UBE2F: variants seen among roughly 807,000 people sequenced by gnomAD.
UBE2F encodes the protein NEDD8-conjugating enzyme UBE2F.
Under a neutral mutation model 29.6 loss-of-function variants are expected in UBE2F, and 5 were observed. The ratio of observed to expected loss-of-function variants is 0.17; its 90% confidence interval spans 0.09 to 0.36. The LOEUF (loss-of-function observed/expected upper bound fraction) is 0.36, where lower values mean the gene tolerates loss of function less well. UBE2F is among the 10% of genes least tolerant of loss of function. UBE2F has a pLI of 1.00. For synonymous variants in UBE2F, 66 were observed against 81.8 expected, an observed-to-expected ratio of 0.81 and a Z score of 1.04; for missense variants, 141 against 228.5, an observed-to-expected ratio of 0.62 and a Z score of 2.47.
At chr2:238,004,248 T>C (rs113627235) in intron 4 of UBE2F, among the ~76,000 whole-genome samples, 3,634 of 152,332 alleles carry the variant, frequency 0.024, 73 homozygotes, top group Middle Eastern at 0.061. Flanking sequence ...GAATTCTAGT[T>C]GCTCTGTATT....
chr2:238,025,289 T>C, intron 5 of UBE2F, 53 bp from the exon 6 acceptor site: 4 of 1,486,254 alleles, frequency 2.7e-6, no homozygotes, highest in Non-Finnish European at 3.8e-6. Flanking sequence ...GGCCTGGAGA[T>C]GTGATTTGCA....
chr2:238,002,340 A>G (rs1010829832), intron 4 of UBE2F, among the ~76,000 whole-genome samples: 2 of 152,218 alleles, frequency 1.3e-5, no homozygotes, highest in African/African-American at 4.8e-5. Flanking sequence ...ACATATGTAT[A>G]CATGTGCCAT....
rs1430053255 is a variant in UBE2F at position 238,040,569 on chromosome 2, C to T, written c.508-719C>T. ...AGTGAGAGGGTTAAGAGCTCCAAGT[C>T]ATTCTTACGGCTCATACAGTCCCAT... is the stretch of plus-strand genomic sequence containing the variant. On this transcript the variant is annotated intron_variant, in intron 9 of 9. Transcript: ENST00000272930. This position sits in a 1 kb window ranked among gnomAD's most constrained non-coding sequence, Gnocchi z 4.4. 6.6e-6 allele frequency among the ~76,000 whole-genome samples: 1 copy of T among 152,152 alleles called. No individual in the cohort carries two copies. Among genetic ancestry groups the T allele is most frequent in the African/African-American group, 2.4e-5 (1 of 41,428 alleles).
At position 237,972,787 on chromosome 2, in the gene UBE2F, A is replaced by G. The variant is rs2063203412; in HGVS notation, c.-16-305A>G. Among the ~76,000 whole-genome samples, 4 of 152,076 alleles carry G rather than the reference A, an allele frequency of 2.6e-5. No homozygotes were observed. The South Asian group carries it at 8.3e-4, about 32-fold the overall frequency. Reference sequence around the variant, plus strand: ...AGGCTGGTCTTGAGCTCTTAGGCTCAAGCAATCCTCCTACCTTGGCCTCCC... The same window carrying G: ...AGGCTGGTCTTGAGCTCTTAGGCTCGAGCAATCCTCCTACCTTGGCCTCCC... On this transcript the variant is annotated intron_variant, in intron 1 of 9. Transcript: ENST00000272930.
intron 4 of UBE2F, among the ~76,000 whole-genome samples, chr2:237,995,141 C>A (rs1226571709): frequency 6.6e-6 from 1 of 152,168 alleles, no homozygotes; most frequent in Non-Finnish European, 1.5e-5. Flanking sequence ...ATAGTGTGAC[C>A]TTGGTTAAGT....
rs140839425 is a variant in UBE2F at position 237,988,245 on chromosome 2, C to T, written c.148+253C>T. ...GCTGGATCATTTGAGGTTAGGAGTTCGAGACCAGCCTGGCCAACATGGTGA... is the reference window on the plus strand; with the variant it reads ...GCTGGATCATTTGAGGTTAGGAGTTTGAGACCAGCCTGGCCAACATGGTGA... On this transcript the variant is annotated intron_variant, in intron 3 of 9. Coordinates refer to ENST00000272930, the MANE Select transcript of UBE2F (RefSeq NM_080678.3). 2.1e-3 allele frequency among the ~76,000 whole-genome samples: 321 copies of T among 152,052 alleles called. 1 individual carries two copies. The highest frequency in any genetic ancestry group is 7.4e-3 in the African/African-American group (305 of 41,476).
At chr2:238,009,102 T>G (rs2063963764) in intron 4 of UBE2F, among the ~76,000 whole-genome samples, 1 of 152,248 alleles carries the variant, frequency 6.6e-6, no homozygotes, top group South Asian at 2.1e-4. Context: ...TAGTGGTGAT[T>G]CTTTGTTCCA....
At chr2:238,036,644 G>C (rs111407229) in intron 9 of UBE2F, among the ~76,000 whole-genome samples, 5 of 152,270 alleles carry the variant, frequency 3.3e-5, no homozygotes, top group Admixed American at 6.5e-5. Context: ...AGACCAGCCT[G>C]GGCAACATGG....
intron 4 of UBE2F, among the ~76,000 whole-genome samples, chr2:238,015,361 G>A (rs2064128490): frequency 6.6e-6 from 1 of 152,142 alleles, no homozygotes; most frequent in South Asian, 2.1e-4. Flanking sequence ...GTAATAAAAG[G>A]AGAGTTTCAG....
chr2:237,967,800 G>A lies in UBE2F; in HGVS notation c.-17+668G>A, dbSNP rs1158606880. ...AGGGCATCTTGGAACAATTAGTGCA[G>A]CAGAGTCTTGGTTCCAGACCTAGTT... On this transcript the variant is annotated intron_variant, in intron 1 of 9. Coordinates refer to ENST00000272930, the MANE Select transcript of UBE2F (RefSeq NM_080678.3). This position sits in a 1 kb window ranked among gnomAD's most constrained non-coding sequence, Gnocchi z 6.3. Among the ~76,000 whole-genome samples, 1 of 152,236 alleles carries A rather than the reference G, an allele frequency of 6.6e-6. No individual in the cohort carries two copies. Among genetic ancestry groups the A allele is most frequent in the Non-Finnish European group, 1.5e-5 (1 of 68,044 alleles).
chr2:237,994,718 T>C, intron 3 of UBE2F, 26 bp from the exon 4 acceptor site: 1 of 1,608,768 alleles, frequency 6.2e-7, no homozygotes, highest in Non-Finnish European at 8.5e-7. Context: ...CTGCCAGACC[T>C]TCCTGATGTG....
chr2:238,039,357 G>A (rs1382336131), intron 9 of UBE2F, among the ~76,000 whole-genome samples: 1 of 152,244 alleles, frequency 6.6e-6, no homozygotes, highest in African/African-American at 2.4e-5. Flanking sequence ...GAAAACCTTG[G>A]CTGGCAGTGC....
intron 4 of UBE2F, among the ~76,000 whole-genome samples, chr2:238,002,401 C>T (rs977742968): frequency 6.6e-6 from 1 of 152,112 alleles, no homozygotes; most frequent in Admixed American, 6.5e-5. Context: ...GTATATCTCC[C>T]AATTTTTATA....
At chr2:237,993,621 G>T (rs2063632184) in intron 3 of UBE2F, among the ~76,000 whole-genome samples, 1 of 152,182 alleles carries the variant, frequency 6.6e-6, no homozygotes, top group South Asian at 2.1e-4. Flanking sequence ...GCTGAGGTGG[G>T]AGGATCACCT....
Position 237,967,156 on chromosome 2 carries a change from GC to G in UBE2F, c.-17+25del. 8.3e-7 allele frequency: 1 copy of G among 1,200,670 alleles called. No homozygotes were observed. The allele number at this position is 1,200,670 out of a possible 1,614,324, so 74.4% of individuals were successfully genotyped here. A position where few individuals can be genotyped will look rare whatever the true frequency, so the allele number is the denominator to read the frequency against. ...AGGTGAGGAGCGACCGTGCGGCTCT[GC>G]GGCGGGGCGAGGTGCGGCCGCCGGT... On this transcript the variant is annotated intron_variant, in intron 1 of 9. Coordinates refer to ENST00000272930, the MANE Select transcript of UBE2F (RefSeq NM_080678.3). The surrounding 1 kb of genome is among the most constrained non-coding windows in gnomAD (Gnocchi z 6.3).
In UBE2F at chr2:238,035,919, A is replaced by G. The variant is rs1014496360; in HGVS notation, c.486A>G (p.Ala162=). 1 of 1,613,372 alleles carries G rather than the reference A, an allele frequency of 6.2e-7. No homozygotes were observed. Among genetic ancestry groups the G allele is most frequent in the African/African-American group, 1.3e-5 (1 of 74,916 alleles). ...ATGATCCACTGAATATTGAAGCTGC[A>G]GAACATCATTTGCGGGACAAGGTGA... ...NFDDPLNIEA[A]EHHLRDKEDF... is the part of the protein sequence containing the mutation. The change falls in exon 9 of 10, where the codon GCA becomes GCG. Residue 162 remains alanine (A), a synonymous_variant. Coordinates refer to ENST00000272930, the MANE Select transcript of UBE2F (RefSeq NM_080678.3).
At chr2:238,026,073 T>A (rs754177913) in intron 6 of UBE2F, among the ~76,000 whole-genome samples, 3 of 152,218 alleles carry the variant, frequency 2.0e-5, no homozygotes, top group Non-Finnish European at 4.4e-5. Context: ...ACTTTGTCCC[T>A]TTCATCACTT....
chr2:237,973,679 T>C, intron 2 of UBE2F: 1 of 1,302,832 alleles, frequency 7.7e-7, no homozygotes, highest in Non-Finnish European at 1.0e-6. Flanking sequence ...TTGTGAAAAA[T>C]TAGTTCTCTT....
At chr2:237,979,974 C>T (rs996509900) in intron 2 of UBE2F, among the ~76,000 whole-genome samples, 1 of 152,208 alleles carries the variant, frequency 6.6e-6, no homozygotes. Context: ...GGTGCTCTCT[C>T]TGGAGGGGCT....
Sources: allele counts gnomAD v4.1 joint callset (sites outside exome capture counted in the v4.1 genomes callset), GRCh38; gene constraint gnomAD v4.1.1; non-coding constraint Gnocchi (gnomAD v3.1); transcripts MANE v1.5; gene names NCBI Gene and HGNC (gene_info 2026-07-23, HGNC 2026-07-21).